Variants in TBC1D22A observed in about 807,000 individuals in gnomAD.
TBC1D22A encodes the protein TBC1 domain family member 22A, also known as putative GTPase activator.
In TBC1D22A, 38 loss-of-function variants were observed where a neutral mutation model predicts 60.2. That is an observed-to-expected ratio of 0.63 (90% confidence interval 0.49 to 0.83). The LOEUF (loss-of-function observed/expected upper bound fraction) is 0.83. Ranked by LOEUF, TBC1D22A falls within the 40% of genes least tolerant of loss-of-function variation. The pLI, the probability that TBC1D22A is intolerant of heterozygous loss-of-function variation, is 0.00. For missense variants in TBC1D22A, 628 were observed against 701.0 expected, an observed-to-expected ratio of 0.90 and a Z score of 1.18; for synonymous variants, 302 against 281.7, an observed-to-expected ratio of 1.07 and a Z score of -0.72.
chr22:47,040,458 G>T (rs1014405778), intron 11 of TBC1D22A, among the ~76,000 whole-genome samples: 17 of 152,130 alleles, frequency 1.1e-4, no homozygotes, highest in African/African-American at 3.9e-4. Context: ...CTGAGAGCAG[G>T]TGCATGGGGG....
intron 3 of TBC1D22A, among the ~76,000 whole-genome samples, chr22:46,794,819 G>A (rs757684134): frequency 5.3e-5 from 8 of 152,188 alleles, no homozygotes; most frequent in Non-Finnish European, 2.9e-5. Context: ...GAGGCAGGGG[G>A]TGAGGGGCAG....
chr22:46,959,209 A>T (rs2073367519), intron 8 of TBC1D22A, among the ~76,000 whole-genome samples: 1 of 152,122 alleles, frequency 6.6e-6, no homozygotes, highest in African/African-American at 2.4e-5. Flanking sequence ...GCAACCCCTA[A>T]ACTACGTGAC....
chr22:47,163,995 G>C (rs1299171685), intron 12 of TBC1D22A, among the ~76,000 whole-genome samples: 1 of 152,216 alleles, frequency 6.6e-6, no homozygotes, highest in Non-Finnish European at 1.5e-5. Context: ...CACCTCCAAG[G>C]CCCATGCTTT....
At chr22:47,140,226 C>T (rs1270296301) in intron 12 of TBC1D22A, among the ~76,000 whole-genome samples, 3 of 152,050 alleles carry the variant, frequency 2.0e-5, no homozygotes, top group Admixed American at 2.0e-4. Context: ...CTATTCTTCT[C>T]GGTGGCCCAG....
chr22:47,066,392 A>C (rs2063774573), intron 11 of TBC1D22A, among the ~76,000 whole-genome samples: 1 of 145,066 alleles, frequency 6.9e-6, no homozygotes, highest in South Asian at 2.4e-4. Context: ...ACATGAGGGG[A>C]TGCTCGAGTC....
intron 5 of TBC1D22A, 123 bp from the exon 6 acceptor site, chr22:46,891,143 T>G: frequency 8.9e-6 from 10 of 1,127,110 alleles, no homozygotes; most frequent in Non-Finnish European, 1.2e-5. Context: ...TGTGCTCCTC[T>G]CTGTGTCAGA....
intron 7 of TBC1D22A, among the ~76,000 whole-genome samples, chr22:46,904,471 C>T (rs533291654): frequency 8.1e-6 from 1 of 122,774 alleles, no homozygotes; most frequent in Admixed American, 8.2e-5. Context: ...GGATGAAAAA[C>T]GAATTTTTTT....
chr22:46,829,124 C>T (rs988902267), intron 4 of TBC1D22A, among the ~76,000 whole-genome samples: 4 of 152,156 alleles, frequency 2.6e-5, no homozygotes, highest in African/African-American at 7.2e-5. Flanking sequence ...CTCCAAGTGT[C>T]GGATCAAATA....
At chr22:46,859,244 C>T (rs866058961) in intron 4 of TBC1D22A, among the ~76,000 whole-genome samples, 1 of 3,364 alleles carries the variant, frequency 3.0e-4, no homozygotes, top group African/African-American at 2.0e-3. Context: ...CGCGCAGTGC[C>T]GTGCCCCTTC....
At chr22:47,147,081 C>T (rs575713242) in intron 12 of TBC1D22A, among the ~76,000 whole-genome samples, 170 of 152,344 alleles carry the variant, frequency 1.1e-3, no homozygotes, top group African/African-American at 3.8e-3. Context: ...GGCAGCCAGC[C>T]GCCCAGCCTG....
chr22:47,098,151 A>C (rs1569443940), intron 11 of TBC1D22A, among the ~76,000 whole-genome samples: 1 of 152,170 alleles, frequency 6.6e-6, no homozygotes, highest in East Asian at 1.9e-4. Context: ...GTTAATGGTC[A>C]TTTCCAAGGC....
At chr22:47,104,369 C>G (rs1284486726) in intron 11 of TBC1D22A, among the ~76,000 whole-genome samples, 2 of 151,728 alleles carry the variant, frequency 1.3e-5, no homozygotes, top group Admixed American at 6.6e-5. Flanking sequence ...CCTCCCAATC[C>G]TAAAGAGATT....
At chr22:47,033,038 G>A (rs1395820299) in intron 10 of TBC1D22A, among the ~76,000 whole-genome samples, 3 of 151,944 alleles carry the variant, frequency 2.0e-5, no homozygotes, top group African/African-American at 7.3e-5. Context: ...CTTCATGGAA[G>A]CTCATTCTTT....
At chr22:46,965,373 A>G (rs1375717712) in intron 8 of TBC1D22A, among the ~76,000 whole-genome samples, 1 of 152,164 alleles carries the variant, frequency 6.6e-6, no homozygotes, top group Non-Finnish European at 1.5e-5. Flanking sequence ...ACGGTGAGCC[A>G]TGGATGTGCA....
chr22:46,813,752 T>G (rs1447885299), intron 4 of TBC1D22A, among the ~76,000 whole-genome samples: 1 of 152,186 alleles, frequency 6.6e-6, no homozygotes, highest in Non-Finnish European at 1.5e-5. Flanking sequence ...AGGTGGGCCT[T>G]CAGGGGCCAG....
Position 46,814,481 on chromosome 22 carries a change from GA to G in TBC1D22A, c.637+16863del, listed in dbSNP as rs147471957. Among the ~76,000 whole-genome samples the G allele has an allele frequency of 3.2e-3, 489 of 152,236 alleles. 1 individual carries two copies. Among genetic ancestry groups the G allele is most frequent in the African/African-American group, 0.011 (467 of 41,532 alleles). ...TGCAACCTGCCAAGACCAGTCTCAGGAAGAAAGATAAAAACCCATGTAAACT... is the reference window on the plus strand; with the variant it reads ...TGCAACCTGCCAAGACCAGTCTCAGGAGAAAGATAAAAACCCATGTAAACT... On this transcript the variant is annotated intron_variant, in intron 4 of 12. Transcript: ENST00000337137.
At chr22:47,116,677 G>A (rs1172062771) in intron 12 of TBC1D22A, 1 of 152,398 alleles carries the variant, frequency 6.6e-6, no homozygotes, top group Non-Finnish European at 1.5e-5. Context: ...GCATGGGAAG[G>A]ACCAGCAGGT....
chr22:47,148,061 G>C (rs1265216569), intron 12 of TBC1D22A, among the ~76,000 whole-genome samples: 1 of 152,182 alleles, frequency 6.6e-6, no homozygotes, highest in Non-Finnish European at 1.5e-5. Context: ...CCTCAGGGTG[G>C]GATGGAGACC....
chr22:47,135,507 C>T (rs2066833872), intron 12 of TBC1D22A, among the ~76,000 whole-genome samples: 1 of 152,122 alleles, frequency 6.6e-6, no homozygotes, highest in Non-Finnish European at 1.5e-5. Flanking sequence ...CACTTGGTGC[C>T]TTGGGCACTG....
Sources: gnomAD v4.1 joint callset for allele counts (sites outside exome capture counted in the v4.1 genomes callset) on GRCh38, gnomAD v4.1.1 for gene constraint, MANE v1.5 for transcripts, NCBI Gene and HGNC (gene_info 2026-07-23, HGNC 2026-07-21) for gene names.